Variants in PBX3 observed in about 807,000 individuals in gnomAD.
The protein encoded by PBX3 is pre-B-cell leukemia transcription factor 3.
A neutral mutation model predicts 48.5 loss-of-function variants in PBX3; 14 were observed. The ratio of observed to expected loss-of-function variants is 0.29; its 90% CI spans 0.19 to 0.45. The LOEUF is 0.45. Ranked by LOEUF, PBX3 falls within the 20% of genes least tolerant of loss-of-function variation. The pLI, the probability that PBX3 is intolerant of heterozygous loss-of-function variation, is 1.00. For synonymous variants in PBX3, 210 were observed against 200.3 expected (o/e 1.05, Z -0.41); for missense variants, 386 against 546.7 (o/e 0.71, Z 2.93).
intron 2 of PBX3, among the ~76,000 whole-genome samples, chr9:125,783,472 G>T (rs1000957280): frequency 3.3e-5 from 5 of 152,032 alleles, no homozygotes; most frequent in Admixed American, 6.5e-5. Context: ...ATTTTTAGTA[G>T]AGATGGGGTT....
intron 2 of PBX3, among the ~76,000 whole-genome samples, chr9:125,855,546 G>C (rs1337379556): frequency 2.6e-5 from 4 of 151,974 alleles, no homozygotes; most frequent in African/African-American, 7.2e-5. Flanking sequence ...TCCTTCAAAT[G>C]ATAAATATCC....
At chr9:125,766,666 G>C (rs915206837) in intron 2 of PBX3, among the ~76,000 whole-genome samples, 1 of 152,002 alleles carries the variant, frequency 6.6e-6, no homozygotes, top group Non-Finnish European at 1.5e-5. Flanking sequence ...AGAATATTTT[G>C]TTCATTTTGA....
intron 5 of PBX3, among the ~76,000 whole-genome samples, chr9:125,959,909 T>C (rs933376819): frequency 2.0e-5 from 3 of 152,224 alleles, no homozygotes; most frequent in South Asian, 2.1e-4. Context: ...CTCTGAGCCA[T>C]GATTCTGGGG....
In PBX3 at chr9:125,816,290, ACC is replaced by A. The variant is rs563141286; in HGVS notation, c.274+67669_274+67670del. On this transcript the variant is annotated intron_variant, in intron 2 of 8. Coordinates refer to ENST00000373489, the MANE Select transcript of PBX3 (RefSeq NM_006195.6). ...TGGGAACACAGGTGTGAGCCCCTGC[ACC>A]CGGCTCTTCCCCCTTCTCAATGGTA... 2.6e-3 allele frequency among the ~76,000 whole-genome samples: 389 copies of A among 152,030 alleles called. 6 individuals carry two copies. The highest frequency in any genetic ancestry group is 4.5e-3 in the Non-Finnish European group (305 of 67,968).
At chr9:125,928,418 G>A (rs1564177347) in intron 3 of PBX3, among the ~76,000 whole-genome samples, 2 of 148,530 alleles carry the variant, frequency 1.3e-5, no homozygotes, top group Non-Finnish European at 1.5e-5. Flanking sequence ...GTGTGTGTGT[G>A]TGTGTTTTTG....
intron 3 of PBX3, among the ~76,000 whole-genome samples, chr9:125,927,161 C>CA (rs1841596151): frequency 6.6e-6 from 1 of 152,130 alleles, no homozygotes; most frequent in Non-Finnish European, 1.5e-5. Context: ...GAATTTATGG[C>CA]TATTAACCAA....
At chr9:125,929,882 C>A in intron 4 of PBX3, 37 bp downstream of exon 4, 1 of 1,435,828 alleles carries the variant, frequency 7.0e-7, no homozygotes, top group Non-Finnish European at 9.8e-7. Context: ...TGGCTTTCCC[C>A]CGTCTGTCAC....
chr9:125,960,958 A>T, intron 6 of PBX3, 109 bp downstream of exon 6: 1 of 1,100,132 alleles, frequency 9.1e-7, no homozygotes, highest in Non-Finnish European at 1.3e-6. Flanking sequence ...GTGGACTTAA[A>T]AAGGAAGATT....
intron 2 of PBX3, among the ~76,000 whole-genome samples, chr9:125,796,636 C>T (rs1314786118): frequency 6.6e-6 from 1 of 152,218 alleles, no homozygotes; most frequent in East Asian, 1.9e-4. Context: ...TGCTATTTCC[C>T]TCTCCTTCTT....
chr9:125,792,199 A>G (rs1477343466), intron 2 of PBX3, among the ~76,000 whole-genome samples: 1 of 152,208 alleles, frequency 6.6e-6, no homozygotes, highest in Non-Finnish European at 1.5e-5. Flanking sequence ...GCCTAAAGGA[A>G]GTCAGGAAAG....
chr9:125,802,958 C>T (rs147144140), intron 2 of PBX3, among the ~76,000 whole-genome samples: 3,928 of 152,050 alleles, frequency 0.026, 66 homozygotes, highest in Middle Eastern at 0.051. Context: ...GGATTACAGG[C>T]GTGAGCCACC....
chr9:125,925,230 A>T (rs1841547279), intron 3 of PBX3, among the ~76,000 whole-genome samples: 1 of 152,198 alleles, frequency 6.6e-6, no homozygotes, highest in Non-Finnish European at 1.5e-5. Context: ...TACCTAGCAT[A>T]GCGTTTCCCG....
At chr9:125,844,881 C>G (rs1839387572) in intron 2 of PBX3, 1 of 152,084 alleles carries the variant, frequency 6.6e-6, no homozygotes, top group Admixed American at 6.6e-5. Context: ...GTACCATTCG[C>G]TGAACCATAA....
chr9:125,943,376 A>G (rs1318803760), intron 5 of PBX3, among the ~76,000 whole-genome samples: 19 of 24,510 alleles, frequency 7.8e-4, no homozygotes, highest in East Asian at 6.2e-3. Context: ...AAAAAAAAAA[A>G]AAAAAAAAAA....
At chr9:125,940,468 T>C (rs1413046304) in intron 5 of PBX3, among the ~76,000 whole-genome samples, 1 of 152,204 alleles carries the variant, frequency 6.6e-6, no homozygotes, top group Non-Finnish European at 1.5e-5. Flanking sequence ...GAAAGAGACA[T>C]CAGTGAACTT....
chr9:125,839,706 G>A (rs1839235810), intron 2 of PBX3, among the ~76,000 whole-genome samples: 1 of 152,086 alleles, frequency 6.6e-6, no homozygotes, highest in African/African-American at 2.4e-5. Flanking sequence ...TTGGATTACT[G>A]GATCACATCC....
intron 2 of PBX3, among the ~76,000 whole-genome samples, chr9:125,860,439 C>T (rs1295304323): frequency 6.6e-6 from 1 of 152,152 alleles, no homozygotes; most frequent in East Asian, 1.9e-4. Flanking sequence ...CTAAAGAACT[C>T]TAGGTAGCCA....
rs186477461 is a variant in PBX3 at position 125,961,735 on chromosome 9, C to G, written c.1010-367C>G. Among the ~76,000 whole-genome samples the G allele has an allele frequency of 1.3e-4, 20 of 152,316 alleles. No individual in the cohort carries two copies. The East Asian group carries it at 3.5e-3, about 26-fold the overall frequency. Reference sequence around the variant, plus strand: ...TTCTCTGGGTGGCTGTCCACTGTGACAGCCATGTTGACAAGCTCGTGTAAT... The same window carrying G: ...TTCTCTGGGTGGCTGTCCACTGTGAGAGCCATGTTGACAAGCTCGTGTAAT... On this transcript the variant is annotated intron_variant, in intron 6 of 8. Transcript: ENST00000373489.
intron 2 of PBX3, among the ~76,000 whole-genome samples, chr9:125,813,020 T>C (rs533001080): frequency 6.6e-6 from 1 of 152,346 alleles, no homozygotes; most frequent in South Asian, 2.1e-4. Flanking sequence ...CCGCACACTT[T>C]ATATATGATG....
Sources: gnomAD v4.1 joint callset for allele counts (sites outside exome capture counted in the v4.1 genomes callset) on GRCh38, gnomAD v4.1.1 for gene constraint, MANE v1.5 for transcripts, NCBI Gene and HGNC (gene_info 2026-07-23, HGNC 2026-07-21) for gene names.